SPATA31A6: variants seen among roughly 807,000 people sequenced by gnomAD.
SPATA31A6 encodes spermatogenesis-associated protein 31A6.
Under a neutral mutation model 11.9 loss-of-function variants are expected in SPATA31A6, and 9 were observed. The observed-to-expected ratio is 0.76, with a 90% CI of 0.46 to 1.32. The LOEUF (loss-of-function observed/expected upper bound fraction) is 1.32. Among genes scored for constraint, SPATA31A6 ranks in the 40% most tolerant of loss-of-function variants. The pLI is 0.00. For missense variants in SPATA31A6, 855 were observed against 1,467.3 expected, an observed-to-expected ratio of 0.58 and a Z score of 6.82; for synonymous variants, 314 against 572.1, an observed-to-expected ratio of 0.55 and a Z score of 6.44.
chr9:42,184,091 G>C (rs1829397589), intron 1 of SPATA31A6, among the ~76,000 whole-genome samples: 1 of 137,586 alleles, frequency 7.3e-6, no homozygotes, highest in Non-Finnish European at 1.6e-5. Context: ...GTCCATCTGT[G>C]GGGGAGCACA....
rs199675524 is a variant in SPATA31A6, at chr9:42,186,714, G to T, written c.1012G>T (p.Val338Phe). Residue 338 changes from valine (V) to phenylalanine (F), a missense_variant, in exon 4 of 4, where the codon GTC (valine) becomes TTC (phenylalanine). Transcript: ENST00000332857. ...GATACAAGTCACAGAAACAGCCAAGGTCAACATTTGGGAAGAAAAAGAAAA... is the reference window on the plus strand; with the variant it reads ...GATACAAGTCACAGAAACAGCCAAGTTCAACATTTGGGAAGAAAAAGAAAA... ...VGIQVTETAK[V>F]NIWEEKENVG... 5.5e-3 allele frequency: 8,350 copies of T among 1,530,688 alleles called. 666 individuals are homozygous for T. Among genetic ancestry groups the T allele is most frequent in the East Asian group, 0.042 (1,771 of 42,084 alleles). 94.8% of individuals were successfully genotyped at this position (1,530,688 alleles called of 1,614,324 possible).
intron 1 of SPATA31A6, among the ~76,000 whole-genome samples, chr9:42,184,506 AT>A (rs774116506): frequency 5.8e-5 from 2 of 34,374 alleles, no homozygotes; most frequent in Admixed American, 3.1e-4. Context: ...TTTGTGTGTT[AT>A]TTTATTTTAT....
rs1829499236 is a variant in SPATA31A6 at position 42,188,343 on chromosome 9, C to T, written c.2641C>T (p.Leu881Phe). 1 of 683,968 alleles carries T rather than the reference C, an allele frequency of 1.5e-6. No individual in the cohort carries two copies. Among genetic ancestry groups the T allele is most frequent in the South Asian group, 1.9e-5 (1 of 53,272 alleles). 42.4% of individuals were successfully genotyped at this position (683,968 alleles called of 1,614,324 possible). ...TKASDHMPES[L>F]LASSPAWKQF... ...AGCATCTGATCACATGCCAGAGAGTCTTCTGGCCTCCTCACCTGCATGGAA... is the reference window on the plus strand; with the variant it reads ...AGCATCTGATCACATGCCAGAGAGTTTTCTGGCCTCCTCACCTGCATGGAA... The change falls in exon 4 of 4, where the codon CTT becomes TTT. Residue 881 changes from leucine (L) to phenylalanine (F), a missense_variant. By Grantham distance (22) the Leu-to-Phe change is conservative (BLOSUM62 0). Transcript: ENST00000332857.
chr9:42,185,957 G>A lies in SPATA31A6; in HGVS notation c.309-54G>A. 2.0e-6 allele frequency: 3 copies of A among 1,475,674 alleles called. 1 individual carries two copies. Among genetic ancestry groups the A allele is most frequent in the South Asian group, 1.3e-5 (1 of 79,414 alleles). 91.4% of individuals were successfully genotyped at this position (1,475,674 alleles called of 1,614,324 possible). Reference sequence around the variant, plus strand: ...GGGCTGTGGCCCGAGCACCCACTCTGCCCTCCGGCCCCACCGGCTCCTGGC... The same window carrying A: ...GGGCTGTGGCCCGAGCACCCACTCTACCCTCCGGCCCCACCGGCTCCTGGC... On this transcript the variant is annotated intron_variant, in intron 3 of 3. Transcript: ENST00000332857.
At position 42,187,163 on chromosome 9, in the gene SPATA31A6, C is replaced by G. The variant is rs1234898442; in HGVS notation, c.1461C>G (p.Pro487=). 16 of 1,542,990 alleles carry G rather than the reference C, an allele frequency of 1.0e-5. 3 individuals are homozygous for G. The highest frequency in any genetic ancestry group is 2.3e-4 in the Middle Eastern group (1 of 4,370). The change falls in exon 4 of 4, where the codon CCC becomes CCG. Residue 487 remains proline, a synonymous_variant. Transcript: ENST00000332857. ...TTTCATCCACACCCCAATTCCTGCC[C>G]ACACCTATGGCTCAGGCCGAGGCTC... ...PFISSTPQFL[P]TPMAQAEAQA...
rs779095665 is a variant in SPATA31A6, at chr9:42,187,089, T to A, written c.1387T>A (p.Ser463Thr). Reference protein sequence around the residue: ...VCPIQRETTMSPLLFQAQPLS... With the variant: ...VCPIQRETTMTPLLFQAQPLS... ...CCCAATTCAAAGGGAGACTACAATG[T>A]CCCCACTGCTTTTCCAGGCCCAGCC... Residue 463 changes from serine to threonine, a missense_variant, in exon 4 of 4, where the codon TCC becomes ACC. Physicochemically the swap from Ser to Thr is moderately conservative, Grantham distance 58 (BLOSUM62 1). Transcript: ENST00000332857. 5.6e-5 allele frequency: 86 copies of A among 1,543,098 alleles called. 22 individuals are homozygous for A. The East Asian group carries it at 1.4e-3, about 24-fold the overall frequency.
At chr9:42,184,457 G>A (rs1384516938) in intron 1 of SPATA31A6, among the ~76,000 whole-genome samples, 1 of 133,572 alleles carries the variant, frequency 7.5e-6, no homozygotes, top group Non-Finnish European at 1.6e-5. Context: ...GTGTGTGTGT[G>A]TGTGTGTGTG....
At chr9:42,183,929 A>G (rs1829394823) in intron 1 of SPATA31A6, 53 bp downstream of exon 1, 4 of 1,523,838 alleles carry the variant, frequency 2.6e-6, no homozygotes, top group Non-Finnish European at 3.5e-6. Flanking sequence ...CTTTCTTTTT[A>G]TTATTAGTTC....
Position 42,185,757 on chromosome 9 carries a change from T to C in SPATA31A6, c.308+2T>C. The C allele has an allele frequency of 8.3e-7, 1 of 1,204,258 alleles. No individual in the cohort carries two copies. 74.6% of individuals were successfully genotyped at this position (1,204,258 alleles called of 1,614,324 possible). On this transcript the variant is annotated splice_donor_variant, in intron 3 of 3. Coordinates refer to ENST00000332857, the MANE Select transcript of SPATA31A6 (RefSeq NM_001145196.1). LOFTEE classifies it high-confidence loss of function. ...GGACCTTCTTTCACAACTGCAGAGG[T>C]GAGGCACTTCCCCTTCCCTGCATCC...
Position 42,187,648 on chromosome 9 carries a change from G to A in SPATA31A6, c.1946G>A (p.Ser649Asn), listed in dbSNP as rs768201122. 9 of 1,507,698 alleles carry A rather than the reference G, an allele frequency of 6.0e-6. 2 individuals carry two copies. Among genetic ancestry groups the A allele is most frequent in the African/African-American group, 1.7e-5 (1 of 57,676 alleles). The allele number at this position is 1,507,698 out of a possible 1,614,324, so 93.4% of individuals were successfully genotyped here. ...TCCTCCACGTCCACAGGTGAAAGCA[G>A]CAAGGAGGCACAGAAGGTGAAGTTC... ...WQSSTSTGES[S>N]KEAQKVKFQL... is the part of the protein sequence containing the mutation. Residue 649 changes from serine (S) to asparagine (N), a missense_variant, in exon 4 of 4, where the codon AGC (serine) becomes AAC (asparagine). By Grantham distance (46) the Ser-to-Asn change is conservative. Transcript: ENST00000332857.
chr9:42,187,650 A>G lies in SPATA31A6; in HGVS notation c.1948A>G (p.Lys650Glu), dbSNP rs535378729. Residue 650 changes from lysine (K) to glutamate (E), a missense_variant, in exon 4 of 4, where the codon AAG becomes GAG. Physicochemically the swap from Lys to Glu is moderately conservative, Grantham distance 56. Coordinates refer to ENST00000332857, the MANE Select transcript of SPATA31A6 (RefSeq NM_001145196.1). ...CTCCACGTCCACAGGTGAAAGCAGC[A>G]AGGAGGCACAGAAGGTGAAGTTCCA... ...QSSTSTGESS[K>E]EAQKVKFQLE... 7 of 1,509,164 alleles carry G rather than the reference A, an allele frequency of 4.6e-6. 2 individuals carry two copies. In the African/African-American group the frequency reaches 6.9e-5, roughly 15 times the overall value. 93.5% of individuals were successfully genotyped at this position (1,509,164 alleles called of 1,614,324 possible).
At position 42,189,306 on chromosome 9, in the gene SPATA31A6, G is replaced by A; in HGVS notation, c.3604G>A (p.Ala1202Thr). ...ATGTGTGTACAGCAGCAGTGCTGAA[G>A]CTCAGGGTCTCATGACGGCAGTTGG... ...RSCVYSSSAE[A>T]QGLMTAVGQM... The change falls in exon 4 of 4, where the codon GCT (alanine) becomes ACT (threonine). Residue 1202 changes from alanine (A) to threonine (T), a missense_variant. Physicochemically the swap from Ala to Thr is moderately conservative, Grantham distance 58. Coordinates refer to ENST00000332857, the MANE Select transcript of SPATA31A6 (RefSeq NM_001145196.1). 2.6e-6 allele frequency: 4 copies of A among 1,556,708 alleles called. No homozygotes were observed. Among genetic ancestry groups the A allele is most frequent in the Non-Finnish European group, 3.5e-6 (4 of 1,146,920 alleles).
chr9:42,186,572 G>A lies in SPATA31A6; in HGVS notation c.870G>A (p.Ser290=), dbSNP rs199993033. The A allele has an allele frequency of 1.6e-3, 2,515 of 1,527,298 alleles. 396 individuals carry two copies. The highest frequency in any genetic ancestry group is 2.7e-3 in the Admixed American group (151 of 56,186). The allele number at this position is 1,527,298 out of a possible 1,614,324, so 94.6% of individuals were successfully genotyped here. The change falls in exon 4 of 4, where the codon TCG becomes TCA. Residue 290 remains serine (S), a synonymous_variant. Transcript: ENST00000332857. ...SSRWQETART[S]CAFNSSVQQD... ...GGTGGCAGGAGACTGCCAGAACCTC[G>A]TGCGCCTTTAACTCATCAGTCCAGC... is the stretch of plus-strand genomic sequence containing the variant.
At position 42,189,181 on chromosome 9, in the gene SPATA31A6, G is replaced by A. The variant is rs571498555; in HGVS notation, c.3479G>A (p.Gly1160Glu). ...KKQPPSVSHF[G>E]ENIKQFFQWI... ...CAGCCTCCTTCAGTAAGCCACTTTGGAGAAAACATCAAGCAATTTTTTCAG... is the reference window on the plus strand; with the variant it reads ...CAGCCTCCTTCAGTAAGCCACTTTGAAGAAAACATCAAGCAATTTTTTCAG... The change falls in exon 4 of 4, where the codon GGA (glycine) becomes GAA (glutamate). Residue 1160 changes from glycine (G) to glutamate (E), a missense_variant. Physicochemically the swap from Gly to Glu is moderately conservative, Grantham distance 98 (BLOSUM62 -2). Coordinates refer to ENST00000332857, the MANE Select transcript of SPATA31A6 (RefSeq NM_001145196.1). 27 of 1,543,728 alleles carry A rather than the reference G, an allele frequency of 1.7e-5. 5 individuals are homozygous for A. The African/African-American group carries it at 3.8e-4, about 22-fold the overall frequency.
rs762573927 is a variant in SPATA31A6 at position 42,189,161 on chromosome 9, T to C, written c.3459T>C (p.Pro1153=). 1.3e-6 allele frequency: 2 copies of C among 1,544,264 alleles called. No homozygotes were observed. The highest frequency in any genetic ancestry group is 1.8e-5 in the Admixed American group (1 of 56,920). ...GVQLLPSKKQ[P]PSVSHFGENI... is the part of the protein sequence containing the mutation. ...AGCTACTGCCATCAAAGAAACAGCC[T>C]CCTTCAGTAAGCCACTTTGGAGAAA... Residue 1153 remains proline (P), a synonymous_variant, in exon 4 of 4, where the codon CCT becomes CCC. Coordinates refer to ENST00000332857, the MANE Select transcript of SPATA31A6 (RefSeq NM_001145196.1).
In SPATA31A6 at chr9:42,189,007, CT is replaced by C. The variant is rs1296005779; in HGVS notation, c.3306del (p.Ile1103PhefsTer12). 5.2e-6 allele frequency: 8 copies of C among 1,544,074 alleles called. No homozygotes were observed. Among genetic ancestry groups the C allele is most frequent in the Non-Finnish European group, 7.0e-6 (8 of 1,140,306 alleles). On this transcript the variant is annotated frameshift_variant, in exon 4 of 4. Coordinates refer to ENST00000332857, the MANE Select transcript of SPATA31A6 (RefSeq NM_001145196.1). LOFTEE classifies it low-confidence loss of function (END_TRUNC). ...AAGAGCCAAAGGCCAATGTTTCCCC[CT>C]ATTCACAAGAGTGAGAAGTCTAGGA... Reference protein sequence around the residue: ...SCKSQRPMFPPIHKSEKSRKP... With the variant: ...SCKSQRPMFPXIHKSEKSRKP...
At position 42,189,599 on chromosome 9, in the gene SPATA31A6, G is replaced by A. The variant is rs778325148; in HGVS notation, c.3897G>A (p.Leu1299=). 1 of 1,558,254 alleles carries A rather than the reference G, an allele frequency of 6.4e-7. No individual in the cohort carries two copies. Among genetic ancestry groups the A allele is most frequent in the African/African-American group, 1.6e-5 (1 of 62,616 alleles). The change falls in exon 4 of 4, where the codon CTG becomes CTA. Residue 1299 remains leucine (L), a synonymous_variant. Transcript: ENST00000332857. ...GGTGCAACAATGAGCAATGGGGCCT[G>A]CGACATCCCCAAATCTTGCACCCCA... ...SVRCNNEQWG[L]RHPQILHPKK...
Position 42,188,961 on chromosome 9 carries a change from C to G in SPATA31A6, c.3259C>G (p.Pro1087Ala). 1 of 1,545,412 alleles carries G rather than the reference C, an allele frequency of 6.5e-7. No homozygotes were observed. The highest frequency in any genetic ancestry group is 8.8e-7 in the Non-Finnish European group (1 of 1,139,922). ...ACTGGTGCAAGAGGAGCCCAGAAACCCAAACTGTCAAGGCTCATGCAAGAG... is the reference window on the plus strand; with the variant it reads ...ACTGGTGCAAGAGGAGCCCAGAAACGCAAACTGTCAAGGCTCATGCAAGAG... ...SKLVQEEPRN[P>A]NCQGSCKSQR... is the part of the protein sequence containing the mutation. Residue 1087 changes from proline to alanine, a missense_variant, in exon 4 of 4, where the codon CCA becomes GCA. Coordinates refer to ENST00000332857, the MANE Select transcript of SPATA31A6 (RefSeq NM_001145196.1).
rs1231570764 is a variant in SPATA31A6, at chr9:42,185,601, T to A, written c.248-94T>A. The A allele has an allele frequency of 1.3e-4, 174 of 1,296,980 alleles. 19 individuals are homozygous for A. The highest frequency in any genetic ancestry group is 1.8e-4 in the Non-Finnish European group (167 of 930,324). The allele number at this position is 1,296,980 out of a possible 1,614,324, so 80.3% of individuals were successfully genotyped here. A position where few individuals can be genotyped will look rare whatever the true frequency, so the allele number is the denominator to read the frequency against. On this transcript the variant is annotated intron_variant, in intron 2 of 3. Transcript: ENST00000332857. ...AGATGGGTGGGGTCCAGGGTCTAATTCCCCATGGTCCTCCCTAAAGAAACA... is the reference window on the plus strand; with the variant it reads ...AGATGGGTGGGGTCCAGGGTCTAATACCCCATGGTCCTCCCTAAAGAAACA...
Sources: gnomAD v4.1 joint callset for allele counts (sites outside exome capture counted in the v4.1 genomes callset) on GRCh38, gnomAD v4.1.1 for gene constraint, MANE v1.5 for transcripts, NCBI Gene and HGNC (gene_info 2026-07-23, HGNC 2026-07-21) for gene names.